The following PTPRG variants were observed in gnomAD, a reference collection of about 807,000 sequenced individuals.
PTPRG encodes receptor-type tyrosine-protein phosphatase gamma.
In PTPRG, 102 loss-of-function variants were observed where a neutral mutation model predicts 165.3. The observed-to-expected ratio is 0.62, with a 90% confidence interval of 0.53 to 0.73. PTPRG has a LOEUF of 0.73. PTPRG is among the 30% of genes least tolerant of loss of function. PTPRG has a pLI of 0.00. For missense variants in PTPRG, 1,866 were observed against 1,861.4 expected, an observed-to-expected ratio of 1.00 and a Z score of -0.05; for synonymous variants, 675 against 669.5, an observed-to-expected ratio of 1.01 and a Z score of -0.13.
rs564761041 is a variant in PTPRG at position 62,166,197 on chromosome 3, C to CTTTTTTTTTTT, written c.841-1748_841-1738dup. Among the ~76,000 whole-genome samples the CTTTTTTTTTTT allele has an allele frequency of 6.5e-4, 35 of 53,930 alleles. 15 individuals carry two copies. Among genetic ancestry groups the CTTTTTTTTTTT allele is most frequent in the East Asian group, 2.9e-3 (4 of 1,356 alleles). 35.4% of individuals were successfully genotyped at this position (53,930 alleles called of 152,430 possible). A position where few individuals can be genotyped will look rare whatever the true frequency, so the allele number is the denominator to read the frequency against. Reference sequence around the variant, plus strand: ...TGGCTGCATATTTCAAATTACAGTTCTTTTTTTTTTTTTTTTTTTTTTTTT... The same window carrying CTTTTTTTTTTT: ...TGGCTGCATATTTCAAATTACAGTTCTTTTTTTTTTTTTTTTTTTTTTTTTTTTTTTTTTTT... On this transcript the variant is annotated intron_variant, in intron 7 of 29. Coordinates refer to ENST00000474889, the MANE Select transcript of PTPRG (RefSeq NM_002841.4).
chr3:61,598,093 G>A (rs374356839), intron 1 of PTPRG, among the ~76,000 whole-genome samples: 5 of 152,192 alleles, frequency 3.3e-5, no homozygotes, highest in South Asian at 2.1e-4. Flanking sequence ...GTTCAGGGTT[G>A]ACCGGTCTCA....
At chr3:61,885,680 T>TCCACTCCTCCCCTCTCCTCCCCTCC (rs1559669115) in intron 2 of PTPRG, among the ~76,000 whole-genome samples, 1 of 2,948 alleles carries the variant, frequency 3.4e-4, no homozygotes, top group African/African-American at 1.2e-3. Context: ...TCCTCTCCTC[T>TCCACTCCTCCCCTCTCCTCCCCTCC]CCTCTCCTCT....
intron 4 of PTPRG, among the ~76,000 whole-genome samples, chr3:62,051,149 C>T (rs1700456913): frequency 6.6e-6 from 1 of 152,200 alleles, no homozygotes; most frequent in African/African-American, 2.4e-5. Context: ...ATCAGGCTGC[C>T]ATTCTTCCCA....
chr3:61,765,603 C>A (rs2033992711), intron 2 of PTPRG, among the ~76,000 whole-genome samples: 1 of 152,064 alleles, frequency 6.6e-6, no homozygotes, highest in Non-Finnish European at 1.5e-5. Flanking sequence ...ATAGCAGTTT[C>A]TTAAATGATC....
chr3:61,879,786 C>G (rs1000829721), intron 2 of PTPRG, among the ~76,000 whole-genome samples: 3 of 152,192 alleles, frequency 2.0e-5, no homozygotes, highest in Non-Finnish European at 4.4e-5. Context: ...AGTGGACATT[C>G]TTGCTTTCCT....
intron 2 of PTPRG, among the ~76,000 whole-genome samples, chr3:61,796,691 AG>A (rs1384202675): frequency 6.6e-6 from 1 of 152,176 alleles, no homozygotes; most frequent in Non-Finnish European, 1.5e-5. Flanking sequence ...CTGACTTTTT[AG>A]GTCATAGATT....
rs576787424 is a variant in PTPRG at position 62,052,281 on chromosome 3, T to G, written c.520-25882T>G. Among the ~76,000 whole-genome samples the G allele has an allele frequency of 1.9e-4, 29 of 152,348 alleles. No individual in the cohort carries two copies. In the South Asian group the frequency reaches 4.4e-3, roughly 23 times the overall value. On this transcript the variant is annotated intron_variant, in intron 4 of 29. Coordinates refer to ENST00000474889, the MANE Select transcript of PTPRG (RefSeq NM_002841.4). ...TGTGATTGTTTTAGGATGAATATAT[T>G]GTGTTAGTACAGTAATCCAGGTGTG...
chr3:61,589,820 A>G (rs1031507803), intron 1 of PTPRG, among the ~76,000 whole-genome samples: 1 of 152,088 alleles, frequency 6.6e-6, no homozygotes, highest in African/African-American at 2.4e-5. Context: ...GGATGGATGG[A>G]TAGATGATGC....
chr3:61,925,011 A>G (rs2039172258), intron 2 of PTPRG, among the ~76,000 whole-genome samples: 1 of 152,130 alleles, frequency 6.6e-6, no homozygotes. Flanking sequence ...CTTTGTAAGA[A>G]CCCCACAGAA....
intron 1 of PTPRG, among the ~76,000 whole-genome samples, chr3:61,744,329 C>T (rs1360426768): frequency 6.6e-6 from 1 of 152,064 alleles, no homozygotes; most frequent in Non-Finnish European, 1.5e-5. Flanking sequence ...ATAATTAGTC[C>T]TCAGACGCTT....
chr3:61,801,230 T>G (rs2035230749), intron 2 of PTPRG, among the ~76,000 whole-genome samples: 1 of 152,138 alleles, frequency 6.6e-6, no homozygotes. Context: ...CAGTGGTCTA[T>G]GCACACAGAC....
At chr3:62,158,459 A>G (rs1416813897) in intron 7 of PTPRG, among the ~76,000 whole-genome samples, 1 of 152,186 alleles carries the variant, frequency 6.6e-6, no homozygotes, top group African/African-American at 2.4e-5. Context: ...TGATTGTTCT[A>G]GTACCAGTTG....
At chr3:61,822,228 G>T (rs187700060) in intron 2 of PTPRG, among the ~76,000 whole-genome samples, 1 of 152,172 alleles carries the variant, frequency 6.6e-6, no homozygotes, top group African/African-American at 2.4e-5. Context: ...TAATTGTTCA[G>T]CTCTTCTCTT....
At chr3:61,967,390 C>G (rs2040294337) in intron 2 of PTPRG, among the ~76,000 whole-genome samples, 1 of 152,062 alleles carries the variant, frequency 6.6e-6, no homozygotes, top group Non-Finnish European at 1.5e-5. Flanking sequence ...TCAGCAAGAC[C>G]TTCAGTTCAT....
chr3:62,159,810 C>G (rs768674770), intron 7 of PTPRG, among the ~76,000 whole-genome samples: 2 of 152,228 alleles, frequency 1.3e-5, no homozygotes, highest in African/African-American at 4.8e-5. Context: ...GTGTCCCTCT[C>G]TCTCTCCCAA....
chr3:62,001,208 G>T (rs952976176), intron 3 of PTPRG, among the ~76,000 whole-genome samples: 1 of 152,182 alleles, frequency 6.6e-6, no homozygotes, highest in Non-Finnish European at 1.5e-5. Context: ...TGGAAGGGGT[G>T]GGTGGACATG....
rs1468607304 is a variant in PTPRG at position 62,069,672 on chromosome 3, T to TCACACA, written c.520-8490_520-8489insACACAC. The stretch of plus-strand genomic sequence containing the variant: ...CTCTCTCTCTCTCTCTCTCTCTCTC[T>TCACACA]CTCTCTCTCTCTCACACACAGACAC... On this transcript the variant is annotated intron_variant, in intron 4 of 29. Transcript: ENST00000474889. 2.6e-3 allele frequency among the ~76,000 whole-genome samples: 70 copies of TCACACA among 26,554 alleles called. 1 individual carries two copies. The highest frequency in any genetic ancestry group is 5.4e-3 in the African/African-American group (69 of 12,756). The allele number at this position is 26,554 out of a possible 152,430, so 17.4% of individuals were successfully genotyped here. A position where few individuals can be genotyped will look rare whatever the true frequency, so the allele number is the denominator to read the frequency against.
intron 13 of PTPRG, among the ~76,000 whole-genome samples, chr3:62,226,360 C>T (rs189422455): frequency 6.6e-6 from 1 of 152,198 alleles, no homozygotes; most frequent in Non-Finnish European, 1.5e-5. Context: ...AGATATAAAT[C>T]ATCCTTTGTT....
intron 3 of PTPRG, among the ~76,000 whole-genome samples, chr3:61,992,003 C>T (rs1282014938): frequency 6.6e-6 from 1 of 152,194 alleles, no homozygotes; most frequent in African/African-American, 2.4e-5. Context: ...TGAGTGCATG[C>T]ACTTGATTTT....
Sources: gnomAD v4.1 joint callset for allele counts (sites outside exome capture counted in the v4.1 genomes callset) on GRCh38, gnomAD v4.1.1 for gene constraint, MANE v1.5 for transcripts, NCBI Gene and HGNC (gene_info 2026-07-23, HGNC 2026-07-21) for gene names.